The following DYNC1I1 variants were observed in gnomAD, a reference collection of about 807,000 sequenced individuals.
The protein encoded by DYNC1I1 is cytoplasmic dynein 1 intermediate chain 1.
DYNC1I1 carries 43 observed loss-of-function variants against 86.6 expected under a neutral mutation model. The ratio of observed to expected loss-of-function variants is 0.50; its 90% CI spans 0.39 to 0.64. DYNC1I1 has a LOEUF of 0.64. DYNC1I1 is among the 30% of genes least tolerant of loss of function. The pLI, the probability that DYNC1I1 is intolerant of heterozygous loss-of-function variation, is 0.00. For missense variants in DYNC1I1, 604 were observed against 788.8 expected, an observed-to-expected ratio of 0.77 and a Z score of 2.81; for synonymous variants, 262 against 283.7, an observed-to-expected ratio of 0.92 and a Z score of 0.77.
At chr7:95,888,970 G>A (rs928576426) in intron 6 of DYNC1I1, among the ~76,000 whole-genome samples, 1 of 152,146 alleles carries the variant, frequency 6.6e-6, no homozygotes, top group African/African-American at 2.4e-5. Flanking sequence ...CAGCCTGGGG[G>A]AATCTCCTTT....
chr7:95,942,302 G>C lies in DYNC1I1; in HGVS notation c.491-35210G>C, dbSNP rs909323915. On this transcript the variant is annotated intron_variant, in intron 6 of 16. Transcript: ENST00000447467. ...ATCGATAAGTTCCTCGACACATACA[G>C]CCTCCCAAGACTAAACCAGGAAGAA... Among the ~76,000 whole-genome samples the C allele has an allele frequency of 2.3e-4, 35 of 151,960 alleles. 1 individual carries two copies. Among genetic ancestry groups the C allele is most frequent in the Non-Finnish European group, 2.9e-5 (2 of 67,994 alleles).
At chr7:95,933,143 G>A (rs1344570441) in intron 6 of DYNC1I1, among the ~76,000 whole-genome samples, 1 of 151,970 alleles carries the variant, frequency 6.6e-6, no homozygotes, top group Admixed American at 6.6e-5. Context: ...TTGGCCTCCC[G>A]AAGTGCTGGG....
chr7:96,017,428 T>C (rs919653440), intron 10 of DYNC1I1, among the ~76,000 whole-genome samples: 3 of 152,208 alleles, frequency 2.0e-5, no homozygotes, highest in Non-Finnish European at 2.9e-5. Context: ...AGTGAACTGT[T>C]GGCAGTCAGT....
chr7:95,984,798 A>T lies in DYNC1I1; in HGVS notation c.581-17A>T, dbSNP rs767194096. The T allele has an allele frequency of 4.5e-6, 7 of 1,558,902 alleles. No individual in the cohort carries two copies. Among genetic ancestry groups the T allele is most frequent in the Middle Eastern group, 1.7e-4 (1 of 5,794 alleles). ...CTTCCCTAACAATCTCTTTTACAAA[A>T]AAATAAATAAATAAAGCCCCTCCAA... On this transcript the variant is annotated splice_polypyrimidine_tract_variant and intron_variant, in intron 7 of 16. Transcript: ENST00000447467.
Position 95,987,100 on chromosome 7 carries a change from A to G in DYNC1I1, c.788A>G (p.Tyr263Cys), listed in dbSNP as rs746551909. The G allele has an allele frequency of 5.4e-5, 87 of 1,613,858 alleles. No homozygotes were observed. The highest frequency in any genetic ancestry group is 7.7e-5 in the South Asian group (7 of 91,068). The change falls in exon 9 of 17, where the codon TAT (tyrosine) becomes TGT (cysteine). Residue 263 changes from tyrosine to cysteine, a missense_variant. Tyr to Cys is a radical substitution (Grantham distance 194). Transcript: ENST00000447467. ...AATCTTTCTTTCAATCGTCAGTTCT[A>G]TGATGAACATTGGTCCAAGCATCGA... ...GANLSFNRQF[Y>C]DEHWSKHRVV... is the part of the protein sequence containing the mutation.
chr7:95,827,162 A>G (rs1795219119), intron 4 of DYNC1I1, among the ~76,000 whole-genome samples: 3 of 152,202 alleles, frequency 2.0e-5, no homozygotes, highest in Non-Finnish European at 4.4e-5. Context: ...AGCACGCTCA[A>G]TGTCACACAG....
intron 5 of DYNC1I1, among the ~76,000 whole-genome samples, chr7:95,860,100 A>G (rs1318291153): frequency 1.3e-5 from 2 of 152,104 alleles, no homozygotes; most frequent in Non-Finnish European, 1.5e-5. Flanking sequence ...ATTCAAATTA[A>G]TGTTTCTCTG....
At chr7:95,910,774 T>C (rs901442989) in intron 6 of DYNC1I1, among the ~76,000 whole-genome samples, 10 of 152,212 alleles carry the variant, frequency 6.6e-5, no homozygotes, top group African/African-American at 2.4e-4. Flanking sequence ...ATTTCTCACC[T>C]GTTAAAGAGG....
chr7:95,823,893 C>T, intron 4 of DYNC1I1, among the ~76,000 whole-genome samples: 1 of 147,282 alleles, frequency 6.8e-6, no homozygotes, highest in Middle Eastern at 3.6e-3. Context: ...CCTACCCCTC[C>T]TCCAAGACCA....
chr7:95,918,642 C>T (rs1183049599), intron 6 of DYNC1I1, among the ~76,000 whole-genome samples: 1 of 152,134 alleles, frequency 6.6e-6, no homozygotes, highest in Non-Finnish European at 1.5e-5. Context: ...TAAAAGCAGT[C>T]AAGCTGAAGA....
At chr7:95,869,378 C>T (rs1790100859) in intron 5 of DYNC1I1, among the ~76,000 whole-genome samples, 1 of 152,136 alleles carries the variant, frequency 6.6e-6, no homozygotes, top group African/African-American at 2.4e-5. Flanking sequence ...GTGTTAGTTC[C>T]TATTCTGCAG....
At chr7:96,067,431 C>A (rs572124323) in intron 14 of DYNC1I1, among the ~76,000 whole-genome samples, 43 of 148,672 alleles carry the variant, frequency 2.9e-4, no homozygotes, top group Non-Finnish European at 5.5e-4. Context: ...TCATCAAATT[C>A]TTTTCTTTCT....
intron 10 of DYNC1I1, among the ~76,000 whole-genome samples, chr7:96,027,528 T>C (rs952277852): frequency 4.6e-5 from 7 of 152,140 alleles, no homozygotes; most frequent in African/African-American, 1.7e-4. Flanking sequence ...TTTCTGGTTG[T>C]TTGTTAAAAT....
At chr7:95,964,827 AC>A (rs1024029160) in intron 6 of DYNC1I1, among the ~76,000 whole-genome samples, 1 of 152,176 alleles carries the variant, frequency 6.6e-6, no homozygotes, top group Non-Finnish European at 1.5e-5. Flanking sequence ...TTGAATAAGG[AC>A]CCTAAAGACA....
At chr7:95,977,698 T>C in intron 7 of DYNC1I1, 97 bp downstream of exon 7, 4 of 1,038,552 alleles carry the variant, frequency 3.9e-6, no homozygotes, top group Non-Finnish European at 5.5e-6. Context: ...AAAATTGAAT[T>C]TGCATCCCCT....
intron 1 of DYNC1I1, among the ~76,000 whole-genome samples, chr7:95,774,974 A>G (rs1396681734): frequency 4.6e-5 from 7 of 152,172 alleles, no homozygotes; most frequent in Admixed American, 4.6e-4. Flanking sequence ...TTCCTTCATT[A>G]CTTTATTCTC....
chr7:96,069,825 A>G (rs562259327), intron 14 of DYNC1I1, among the ~76,000 whole-genome samples: 1 of 152,324 alleles, frequency 6.6e-6, no homozygotes, highest in South Asian at 2.1e-4. Flanking sequence ...AACAAAGAAC[A>G]CCTTTCATGT....
chr7:95,845,127 G>T (rs1196511189), intron 5 of DYNC1I1, among the ~76,000 whole-genome samples: 1 of 152,166 alleles, frequency 6.6e-6, no homozygotes, highest in Non-Finnish European at 1.5e-5. Context: ...TTTTGCAAAG[G>T]TGGTTTCACT....
intron 6 of DYNC1I1, among the ~76,000 whole-genome samples, chr7:95,885,663 T>G (rs774728263): frequency 1.3e-5 from 2 of 152,116 alleles, no homozygotes; most frequent in Admixed American, 6.5e-5. Flanking sequence ...ATTTCTTAAT[T>G]TTTTGTAGAG....
Sources: allele counts gnomAD v4.1 joint callset (sites outside exome capture counted in the v4.1 genomes callset), GRCh38; gene constraint gnomAD v4.1.1; transcripts MANE v1.5; gene names NCBI Gene and HGNC (gene_info 2026-07-23, HGNC 2026-07-21).